The following CD96 variants were observed in gnomAD, a reference collection of about 807,000 sequenced individuals.
CD96 encodes the protein CD96 molecule.
In CD96, 70 loss-of-function variants were observed where a neutral mutation model predicts 71.3. That is an observed-to-expected ratio of 0.98 (90% CI 0.81 to 1.20). CD96 has a LOEUF of 1.20. Ranked by LOEUF, CD96 falls within the 50% of genes most tolerant of loss-of-function variation. The pLI is 0.00. For synonymous variants in CD96, 248 were observed against 233.0 expected (o/e 1.06, Z -0.59); for missense variants, 742 against 677.5 (o/e 1.10, Z -1.06).
chr3:111,561,463 C>T (rs1359964299), intron 2 of CD96, among the ~76,000 whole-genome samples: 18 of 139,922 alleles, frequency 1.3e-4, no homozygotes, highest in East Asian at 4.2e-4. Context: ...TTGGAATACC[C>T]TGCCTTGTGA....
chr3:111,606,844 G>A (rs755384232), intron 8 of CD96, 52 bp downstream of exon 8: 11 of 1,093,480 alleles, frequency 1.0e-5, no homozygotes, highest in East Asian at 2.4e-5. Context: ...GATTGATAAC[G>A]ATAAAATTTC....
intron 12 of CD96, among the ~76,000 whole-genome samples, chr3:111,645,921 A>T (rs151273858): frequency 1.3e-5 from 2 of 152,304 alleles, no homozygotes; most frequent in East Asian, 3.9e-4. Context: ...AGTCCAGGCT[A>T]TGTAAAAACA....
At chr3:111,553,460 C>T (rs1576305906) in intron 2 of CD96, among the ~76,000 whole-genome samples, 2 of 133,544 alleles carry the variant, frequency 1.5e-5, no homozygotes, top group Non-Finnish European at 3.1e-5. Flanking sequence ...GGCAAGACTA[C>T]GTGATAGATG....
At chr3:111,609,848 T>A (rs1004285588) in intron 8 of CD96, among the ~76,000 whole-genome samples, 4 of 152,094 alleles carry the variant, frequency 2.6e-5, no homozygotes, top group African/African-American at 9.7e-5. Context: ...TCAACCAGGG[T>A]AATTTTGCCA....
At chr3:111,561,717 T>A (rs1163819530) in intron 2 of CD96, among the ~76,000 whole-genome samples, 77 of 136,776 alleles carry the variant, frequency 5.6e-4, no homozygotes, top group Middle Eastern at 3.7e-3. Flanking sequence ...CAGGCCTCCT[T>A]GAGCTGTGGT....
In CD96 at chr3:111,604,725, C is replaced by T. The variant is rs956647451; in HGVS notation, c.1088-1975C>T. Among the ~76,000 whole-genome samples the T allele has an allele frequency of 2.6e-5, 4 of 152,180 alleles. No homozygotes were observed. In the South Asian group the frequency reaches 8.3e-4, roughly 32 times the overall value. On this transcript the variant is annotated intron_variant, in intron 7 of 13. Coordinates refer to ENST00000352690, the MANE Select transcript of CD96 (RefSeq NM_005816.5). ...TTCCCATTGTGGAAACTGAGCATAA[C>T]GCACCAATATCTTCTGTTCCAGGAA...
Position 111,623,793 on chromosome 3 carries a change from G to A in CD96, c.1220G>A (p.Ser407Asn), listed in dbSNP as rs1482209973. The A allele has an allele frequency of 4.3e-6, 7 of 1,612,402 alleles. No homozygotes were observed. The highest frequency in any genetic ancestry group is 4.5e-5 in the East Asian group (2 of 44,862). Reference sequence around the variant, plus strand: ...TCTTCAGTGACCCTTGTAGATGTGAGTGCCTTGAGGCCAAACACCACTCCT... The same window carrying A: ...TCTTCAGTGACCCTTGTAGATGTGAATGCCTTGAGGCCAAACACCACTCCT... ...ATSSVTLVDV[S>N]ALRPNTTPQP... The change falls in exon 9 of 14, where the codon AGT (serine) becomes AAT (asparagine). Residue 407 changes from serine to asparagine, a missense_variant. Coordinates refer to ENST00000352690, the MANE Select transcript of CD96 (RefSeq NM_005816.5).
chr3:111,603,887 C>T (rs114929326), intron 7 of CD96, among the ~76,000 whole-genome samples: 1,598 of 152,272 alleles, frequency 0.01, 35 homozygotes, highest in African/African-American at 0.036. Context: ...CATGACTTCC[C>T]TCAGTGCAGC....
chr3:111,543,585 G>GT (rs1436828581), intron 1 of CD96, among the ~76,000 whole-genome samples: 1 of 152,134 alleles, frequency 6.6e-6, no homozygotes, highest in East Asian at 1.9e-4. Flanking sequence ...TAATAATAAA[G>GT]TTTAAAATAA....
intron 4 of CD96, among the ~76,000 whole-genome samples, chr3:111,580,262 A>T (rs893925486): frequency 6.6e-6 from 1 of 152,214 alleles, no homozygotes; most frequent in African/African-American, 2.4e-5. Flanking sequence ...GACTATCTGC[A>T]GCGTGCCAAT....
intron 7 of CD96, among the ~76,000 whole-genome samples, chr3:111,603,056 G>T (rs1372098518): frequency 6.6e-6 from 1 of 152,082 alleles, no homozygotes; most frequent in East Asian, 1.9e-4. Context: ...GGGTTAGGGT[G>T]ATCAGTGACT....
At chr3:111,594,831 T>C (rs1008168540) in intron 5 of CD96, 10 of 166,982 alleles carry the variant, frequency 6.0e-5, no homozygotes, top group African/African-American at 2.4e-4. Context: ...CAATCCAGAG[T>C]AGACAAAGCC....
intron 2 of CD96, among the ~76,000 whole-genome samples, chr3:111,547,823 G>A (rs1934490887): frequency 1.3e-5 from 2 of 151,968 alleles, no homozygotes; most frequent in Admixed American, 1.3e-4. Flanking sequence ...TGTGATTTTG[G>A]GTACAAAGGG....
chr3:111,574,491 A>C (rs561343429), intron 3 of CD96, among the ~76,000 whole-genome samples: 1 of 152,210 alleles, frequency 6.6e-6, no homozygotes, highest in Non-Finnish European at 1.5e-5. Context: ...TTCCTGTTCT[A>C]AATTGAAAAT....
At chr3:111,569,162 C>T (rs889992446) in intron 3 of CD96, among the ~76,000 whole-genome samples, 5 of 152,150 alleles carry the variant, frequency 3.3e-5, no homozygotes, top group Non-Finnish European at 7.4e-5. Context: ...TATATAAAAA[C>T]ATTTCCTTGG....
chr3:111,576,706 T>G (rs889860928), intron 3 of CD96, among the ~76,000 whole-genome samples: 35 of 152,206 alleles, frequency 2.3e-4, no homozygotes, highest in African/African-American at 8.4e-4. Flanking sequence ...GAAAGGACTT[T>G]GCAGAATTCT....
chr3:111,542,285 A>G lies in CD96; in HGVS notation c.37A>G (p.Ile13Val), dbSNP rs1934133615. The change falls in exon 1 of 14, where the codon ATC becomes GTC. Residue 13 changes from isoleucine to valine, a missense_variant. Coordinates refer to ENST00000352690, the MANE Select transcript of CD96 (RefSeq NM_005816.5). Reference protein sequence around the residue: ...KKWKYCAVYYIIQIHFVKGVW... With the variant: ...KKWKYCAVYYVIQIHFVKGVW... Reference sequence around the variant, plus strand: ...ATGGAAATACTGTGCTGTCTATTACATCATCCAGATACATTTTGTCAAGGG... The same window carrying G: ...ATGGAAATACTGTGCTGTCTATTACGTCATCCAGATACATTTTGTCAAGGG... 1 of 1,613,824 alleles carries G rather than the reference A, an allele frequency of 6.2e-7. No individual in the cohort carries two copies. Among genetic ancestry groups the G allele is most frequent in the Admixed American group, 1.7e-5 (1 of 60,004 alleles).
intron 2 of CD96, among the ~76,000 whole-genome samples, chr3:111,562,135 TA>T (rs1935471058): frequency 6.6e-6 from 1 of 152,208 alleles, no homozygotes; most frequent in African/African-American, 2.4e-5. Flanking sequence ...ATGAACCCAG[TA>T]CCTCAGATGG....
At chr3:111,625,027 G>A (rs747338941) in intron 10 of CD96, among the ~76,000 whole-genome samples, 3 of 152,240 alleles carry the variant, frequency 2.0e-5, no homozygotes, top group Non-Finnish European at 2.9e-5. Context: ...AGCAAAAGGA[G>A]AGAGGACGAT....
Sources: allele counts gnomAD v4.1 joint callset (sites outside exome capture counted in the v4.1 genomes callset), GRCh38; gene constraint gnomAD v4.1.1; transcripts MANE v1.5; gene names NCBI Gene and HGNC (gene_info 2026-07-23, HGNC 2026-07-21).